The following JADE1 variants were observed in gnomAD, a reference collection of about 807,000 sequenced individuals.
The protein encoded by JADE1 is jade family PHD finger 1.
Under a neutral mutation model 81.8 loss-of-function variants are expected in JADE1, and 14 were observed. The observed-to-expected ratio is 0.17, with a 90% CI of 0.11 to 0.27. The LOEUF (loss-of-function observed/expected upper bound fraction) is 0.27. JADE1 is among the 10% of genes least tolerant of loss of function. The probability of loss-of-function intolerance (pLI) is 1.00; values close to 1 mark genes in which losing one functional copy is unlikely to be tolerated. For missense variants in JADE1, 690 were observed against 1,047.9 expected, an observed-to-expected ratio of 0.66 and a Z score of 4.71; for synonymous variants, 353 against 391.9, an observed-to-expected ratio of 0.90 and a Z score of 1.17.
intron 1 of JADE1, among the ~76,000 whole-genome samples, chr4:128,830,395 G>A (rs1258282617): frequency 5.3e-5 from 8 of 151,726 alleles, no homozygotes; most frequent in Admixed American, 1.3e-4. Flanking sequence ...CACCACGCCC[G>A]GCTAATTTTT....
At chr4:128,829,544 A>G (rs1244662023) in intron 1 of JADE1, among the ~76,000 whole-genome samples, 1 of 150,594 alleles carries the variant, frequency 6.6e-6, no homozygotes, top group Non-Finnish European at 1.5e-5. Flanking sequence ...GTAGTATAGG[A>G]AAAACTTTTC....
intron 1 of JADE1, chr4:128,827,813 T>C: frequency 1.1e-6 from 1 of 948,300 alleles, no homozygotes; most frequent in Non-Finnish European, 1.3e-6. Flanking sequence ...AGTCATAACA[T>C]TATGAATCAG....
At chr4:128,813,101 C>T (rs1303400649) in intron 1 of JADE1, among the ~76,000 whole-genome samples, 3 of 152,182 alleles carry the variant, frequency 2.0e-5, no homozygotes, top group Non-Finnish European at 4.4e-5. Flanking sequence ...AATTATTTCC[C>T]TGAAAGCTGA....
intron 1 of JADE1, among the ~76,000 whole-genome samples, chr4:128,813,814 G>T (rs1726731050): frequency 6.6e-6 from 1 of 151,898 alleles, no homozygotes; most frequent in Non-Finnish European, 1.5e-5. Flanking sequence ...CTTTTACTTG[G>T]CATTGTCATT....
At chr4:128,823,643 C>T (rs982062010) in intron 1 of JADE1, among the ~76,000 whole-genome samples, 5 of 152,096 alleles carry the variant, frequency 3.3e-5, no homozygotes, top group Non-Finnish European at 7.4e-5. Context: ...TTATAAAGAG[C>T]ACATTTTTTT....
At chr4:128,855,564 A>C in intron 6 of JADE1, 66 bp from the exon 7 acceptor site, 1 of 1,433,174 alleles carries the variant, frequency 7.0e-7, no homozygotes. Context: ...AAATGAATAG[A>C]TATAATGGGA....
At chr4:128,870,979 G>C (rs763352765) in intron 10 of JADE1, among the ~76,000 whole-genome samples, 2 of 152,210 alleles carry the variant, frequency 1.3e-5, no homozygotes, top group Non-Finnish European at 2.9e-5. Context: ...GTGGAGGAGC[G>C]CGGCGCAGGT....
chr4:128,817,764 T>C (rs1727174477), intron 1 of JADE1, among the ~76,000 whole-genome samples: 1 of 152,230 alleles, frequency 6.6e-6, no homozygotes, highest in Non-Finnish European at 1.5e-5. Flanking sequence ...CTGAAACCCA[T>C]GGAAGCTCTC....
chr4:128,819,831 A>G (rs1727394043), intron 1 of JADE1, among the ~76,000 whole-genome samples: 1 of 152,158 alleles, frequency 6.6e-6, no homozygotes, highest in Non-Finnish European at 1.5e-5. Flanking sequence ...TTTAAATCCC[A>G]GTGTACATCC....
At chr4:128,861,064 T>C (rs560794392) in intron 8 of JADE1, among the ~76,000 whole-genome samples, 1 of 152,362 alleles carries the variant, frequency 6.6e-6, no homozygotes, top group East Asian at 1.9e-4. Flanking sequence ...GTTGGGACTC[T>C]TCCTGGCTGG....
At position 128,858,539 on chromosome 4, in the gene JADE1, C is replaced by A. The variant is rs1730991407; in HGVS notation, c.981+1085C>A. 2.6e-5 allele frequency among the ~76,000 whole-genome samples: 4 copies of A among 152,160 alleles called. No individual in the cohort carries two copies. In the South Asian group the frequency reaches 8.3e-4, roughly 32 times the overall value. ...TCAGCCATGGGTTTTAAAGAAATGACCTCATTTGGCAAAGTCGGTTTGTAT... is the reference window on the plus strand; with the variant it reads ...TCAGCCATGGGTTTTAAAGAAATGAACTCATTTGGCAAAGTCGGTTTGTAT... On this transcript the variant is annotated intron_variant, in intron 8 of 10. Coordinates refer to ENST00000226319, the MANE Select transcript of JADE1 (RefSeq NM_199320.4).
intron 2 of JADE1, among the ~76,000 whole-genome samples, chr4:128,841,642 T>C (rs1278601715): frequency 6.6e-6 from 1 of 152,198 alleles, no homozygotes; most frequent in Non-Finnish European, 1.5e-5. Context: ...TGATGTCTTA[T>C]GTGAAGGTGA....
intron 6 of JADE1, among the ~76,000 whole-genome samples, chr4:128,855,369 A>G (rs906520325): frequency 1.5e-4 from 23 of 152,054 alleles, no homozygotes; most frequent in Admixed American, 1.1e-3. Flanking sequence ...TTCCAGGACC[A>G]CCCTCTGCTA....
Position 128,812,251 on chromosome 4 carries a change from C to G in JADE1, c.-27+2374C>G, listed in dbSNP as rs1018842523. 5.9e-5 allele frequency among the ~76,000 whole-genome samples: 9 copies of G among 152,108 alleles called. No individual in the cohort carries two copies. In the East Asian group the frequency reaches 7.8e-4, roughly 13 times the overall value. ...CCGGGGCTAATTCCGGCGGAGGTGCCGGGAGTTACTTTCCCCTCCTCCCGC... is the reference window on the plus strand; with the variant it reads ...CCGGGGCTAATTCCGGCGGAGGTGCGGGGAGTTACTTTCCCCTCCTCCCGC... On this transcript the variant is annotated intron_variant, in intron 1 of 10. Transcript: ENST00000226319.
At chr4:128,865,276 C>T (rs1233169074) in intron 9 of JADE1, among the ~76,000 whole-genome samples, 3 of 152,150 alleles carry the variant, frequency 2.0e-5, no homozygotes, top group Non-Finnish European at 4.4e-5. Context: ...TTGTCCCTGA[C>T]CCAGAAACTT....
At chr4:128,843,180 A>G (rs1252640167) in intron 3 of JADE1, 142 bp downstream of exon 3, 4 of 634,092 alleles carry the variant, frequency 6.3e-6, no homozygotes, top group Non-Finnish European at 1.1e-5. Flanking sequence ...CGGGGAGAAC[A>G]CAAGTGTCTA....
Position 128,862,182 on chromosome 4 carries a change from G to A in JADE1, c.1460G>A (p.Arg487Lys), listed in dbSNP as rs1387854339. The change falls in exon 9 of 11, where the codon AGG becomes AAG. Residue 487 changes from arginine (R) to lysine (K), a missense_variant. By Grantham distance (26) the Arg-to-Lys change is conservative. Around this residue, in one of 8 missense-constraint regions of JADE1, gnomAD observed 63 missense variants for 138.4 expected, o/e 0.46. Coordinates refer to ENST00000226319, the MANE Select transcript of JADE1 (RefSeq NM_199320.4). The stretch of plus-strand genomic sequence containing the variant: ...AAGCGGGAGCAGGATGTCTTATTTA[G>A]GAGGCTGCAGCTGTTCACGCACCTG... Reference protein sequence around the residue: ...LAKREQDVLFRRLQLFTHLRQ... With the variant: ...LAKREQDVLFKRLQLFTHLRQ... 1 of 1,614,200 alleles carries A rather than the reference G, an allele frequency of 6.2e-7. No individual in the cohort carries two copies.
At chr4:128,820,613 A>G (rs937268562) in intron 1 of JADE1, among the ~76,000 whole-genome samples, 3 of 152,076 alleles carry the variant, frequency 2.0e-5, no homozygotes, top group African/African-American at 7.2e-5. Context: ...TGTAACTTGG[A>G]TGATTGTGTA....
intron 7 of JADE1, among the ~76,000 whole-genome samples, chr4:128,856,064 T>G (rs1266574422): frequency 2.6e-5 from 4 of 152,138 alleles, no homozygotes; most frequent in African/African-American, 9.7e-5. Context: ...AGCAGTCCTC[T>G]TTCCTTGGCT....
Sources: allele counts gnomAD v4.1 joint callset (sites outside exome capture counted in the v4.1 genomes callset), GRCh38; gene constraint gnomAD v4.1.1; regional missense constraint gnomAD v4.1.1; transcripts MANE v1.5; gene names NCBI Gene and HGNC (gene_info 2026-07-23, HGNC 2026-07-21).